SLC8A1: variants seen among roughly 807,000 people sequenced by gnomAD.
SLC8A1 encodes the protein solute carrier family 8 member A1.
Under a neutral mutation model 68.3 loss-of-function variants are expected in SLC8A1, and 18 were observed. The ratio of observed to expected loss-of-function variants is 0.26; its 90% CI spans 0.18 to 0.39. The LOEUF (loss-of-function observed/expected upper bound fraction) is 0.39, where lower values mean the gene tolerates loss of function less well. Among genes scored for constraint, SLC8A1 ranks in the 10% least tolerant of loss-of-function variants. The probability of loss-of-function intolerance (pLI) is 1.00; values close to 1 mark genes in which losing one functional copy is unlikely to be tolerated. For synonymous variants in SLC8A1, 475 were observed against 415.5 expected (o/e 1.14, Z -1.74); for missense variants, 985 against 1,156.7 (o/e 0.85, Z 2.15).
At chr2:40,255,083 C>A (rs1574802037) in intron 2 of SLC8A1, 1 of 152,154 alleles carries the variant, frequency 6.6e-6, no homozygotes, top group Non-Finnish European at 1.5e-5. Context: ...TTCTTAGATG[C>A]CATTTCTCTA....
In SLC8A1 at chr2:40,492,296, G is replaced by T. The variant is rs537268053; in HGVS notation, c.-25+20053C>A. Among the ~76,000 whole-genome samples the T allele has an allele frequency of 2.6e-5, 4 of 152,250 alleles. No homozygotes were observed. The East Asian group carries it at 7.7e-4, about 29-fold the overall frequency. On this transcript the variant is annotated intron_variant, in intron 1 of 7. Coordinates refer to the SLC8A1 transcript ENST00000402441. ...TGGGAAAACTGGCTAGCCATATCTAGAAAGCTGAAACTGGATCCCTTCCTG... is the reference window on the plus strand; with the variant it reads ...TGGGAAAACTGGCTAGCCATATCTATAAAGCTGAAACTGGATCCCTTCCTG...
chr2:40,411,656 T>G (rs1692198515), intron 2 of SLC8A1, among the ~76,000 whole-genome samples: 1 of 152,070 alleles, frequency 6.6e-6, no homozygotes, highest in Admixed American at 6.6e-5. Flanking sequence ...AAATAAATTG[T>G]ATTCATTTAA....
chr2:40,444,548 A>C (rs1370082113), intron 1 of SLC8A1, among the ~76,000 whole-genome samples: 1 of 152,130 alleles, frequency 6.6e-6, no homozygotes, highest in Non-Finnish European at 1.5e-5. Flanking sequence ...AAGCCCATCA[A>C]TGTTTCATTT....
intron 1 of SLC8A1, among the ~76,000 whole-genome samples, chr2:40,489,948 C>T (rs1170625093): frequency 4.6e-5 from 7 of 152,030 alleles, no homozygotes; most frequent in African/African-American, 7.2e-5. Flanking sequence ...ACAGGCAGCC[C>T]CCTTACATTC....
At chr2:40,430,481 T>C (rs1315313895) in intron 1 of SLC8A1, among the ~76,000 whole-genome samples, 177 bp from the exon 2 acceptor site, 1 of 152,184 alleles carries the variant, frequency 6.6e-6, no homozygotes, top group African/African-American at 2.4e-5. Context: ...TGAATGATTG[T>C]TCTAAGACTC....
intron 2 of SLC8A1, among the ~76,000 whole-genome samples, chr2:40,388,777 A>G (rs1156424486): frequency 1.3e-5 from 2 of 152,116 alleles, no homozygotes; most frequent in South Asian, 2.1e-4. Context: ...ATTTTAATAA[A>G]CAACATGACT....
At chr2:40,246,728 C>G (rs407388) in intron 2 of SLC8A1, among the ~76,000 whole-genome samples, 21,299 of 152,200 alleles carry the variant, frequency 0.14, 1,828 homozygotes, top group African/African-American at 0.22. Flanking sequence ...TGCTTTCAGA[C>G]TCAGGCTGTT....
chr2:40,478,242 A>AGACG (rs1457965283), intron 1 of SLC8A1, among the ~76,000 whole-genome samples: 1 of 151,790 alleles, frequency 6.6e-6, no homozygotes, highest in African/African-American at 2.4e-5. Flanking sequence ...ACACACAATC[A>AGACG]GAGTCCATTA....
At chr2:40,291,400 A>C (rs891771038) in intron 2 of SLC8A1, among the ~76,000 whole-genome samples, 1 of 152,160 alleles carries the variant, frequency 6.6e-6, no homozygotes, top group Non-Finnish European at 1.5e-5. Flanking sequence ...GCTTTGCATC[A>C]ACAATAGAAA....
At chr2:40,170,956 G>A (rs1021471062) in intron 4 of SLC8A1, among the ~76,000 whole-genome samples, 4 of 152,138 alleles carry the variant, frequency 2.6e-5, no homozygotes, top group African/African-American at 2.4e-5. Context: ...GTAGGCCATC[G>A]TCACAGCAAC....
At chr2:40,480,525 T>G (rs1335210446) in intron 1 of SLC8A1, among the ~76,000 whole-genome samples, 1 of 152,178 alleles carries the variant, frequency 6.6e-6, no homozygotes, top group Admixed American at 6.5e-5. Flanking sequence ...TTTAGAACTG[T>G]GAGGAATAAG....
At chr2:40,333,065 C>T (rs1196453057) in intron 2 of SLC8A1, among the ~76,000 whole-genome samples, 1 of 152,130 alleles carries the variant, frequency 6.6e-6, no homozygotes, top group South Asian at 2.1e-4. Context: ...GAGCTTCCAA[C>T]TGGATTAAAA....
At chr2:40,464,252 G>C (rs982704754) in intron 1 of SLC8A1, among the ~76,000 whole-genome samples, 5 of 152,176 alleles carry the variant, frequency 3.3e-5, no homozygotes, top group African/African-American at 4.8e-5. Context: ...TAGGTTCAGA[G>C]AGATTCCCTA....
At chr2:40,397,769 C>T (rs1255052753) in intron 2 of SLC8A1, among the ~76,000 whole-genome samples, 1 of 152,166 alleles carries the variant, frequency 6.6e-6, no homozygotes, top group Non-Finnish European at 1.5e-5. Context: ...AGATCCAGGT[C>T]AAAGAAAAAT....
rs1431391577 is a variant in SLC8A1, at chr2:40,251,827, C to T, written c.1809-73972G>A. ...TATTCTTTTAGAAGTTGGTCTAATCCAACCATATATACAAATGCAATTATT... is the reference window on the plus strand; with the variant it reads ...TATTCTTTTAGAAGTTGGTCTAATCTAACCATATATACAAATGCAATTATT... On this transcript the variant is annotated intron_variant, in intron 2 of 7. Coordinates refer to ENST00000406785, the Ensembl canonical transcript of SLC8A1. 3.3e-5 allele frequency: 5 copies of T among 152,098 alleles called. No individual in the cohort carries two copies. In the East Asian group the frequency reaches 9.6e-4, roughly 29 times the overall value. 9.4% of individuals were successfully genotyped at this position (152,098 alleles called of 1,614,324 possible). A position where few individuals can be genotyped will look rare whatever the true frequency, so the allele number is the denominator to read the frequency against.
intron 2 of SLC8A1, among the ~76,000 whole-genome samples, chr2:40,274,466 A>T (rs1469848424): frequency 6.6e-6 from 1 of 152,140 alleles, no homozygotes; most frequent in Non-Finnish European, 1.5e-5. Context: ...GAAAATGAGC[A>T]TGCCAGAGAA....
intron 6 of SLC8A1, among the ~76,000 whole-genome samples, chr2:40,147,719 T>C (rs1423052757): frequency 6.6e-6 from 1 of 152,182 alleles, no homozygotes; most frequent in Non-Finnish European, 1.5e-5. Context: ...CTAGAGAATG[T>C]TAACATGTAT....
intron 2 of SLC8A1, among the ~76,000 whole-genome samples, chr2:40,404,322 T>A (rs1313601245): frequency 1.3e-5 from 2 of 152,234 alleles, no homozygotes; most frequent in Non-Finnish European, 2.9e-5. Flanking sequence ...AACTTTGGAC[T>A]ATTAACATTT....
At chr2:40,220,401 G>C (rs116154613) in intron 2 of SLC8A1, 1 of 152,168 alleles carries the variant, frequency 6.6e-6, no homozygotes, top group Non-Finnish European at 1.5e-5. Context: ...TCATGTTTAA[G>C]CTCAATGCTT....
Sources: gnomAD v4.1 joint callset for allele counts (sites outside exome capture counted in the v4.1 genomes callset) on GRCh38, gnomAD v4.1.1 for gene constraint, MANE v1.5 for transcripts, NCBI Gene and HGNC (gene_info 2026-07-23, HGNC 2026-07-21) for gene names.